ZDHHC18: variants seen among roughly 807,000 people sequenced by gnomAD.
The protein encoded by ZDHHC18 is palmitoyltransferase ZDHHC18.
In ZDHHC18, 23 loss-of-function variants were observed where a neutral mutation model predicts 37.5. That is an observed-to-expected ratio of 0.61 (90% CI 0.44 to 0.87). The LOEUF is 0.87. Ranked by LOEUF, ZDHHC18 falls within the 40% of genes least tolerant of loss-of-function variation. ZDHHC18 has a pLI of 0.00. For synonymous variants in ZDHHC18, 185 were observed against 218.7 expected (o/e 0.85, Z 1.36); for missense variants, 406 against 525.6 (o/e 0.77, Z 2.22).
rs201964536 is a variant in ZDHHC18 at position 26,845,698 on chromosome 1, G to GA, written c.497-2901dup. On this transcript the variant is annotated intron_variant, in intron 2 of 7. Transcript: ENST00000374142. ...ATTCTCTTAATGATTACCTTTAAAT[G>GA]AAAAAAAAATTTAATTTTGATATAA... 1.6e-3 allele frequency among the ~76,000 whole-genome samples: 234 copies of GA among 150,696 alleles called. 1 individual carries two copies. The highest frequency in any genetic ancestry group is 2.4e-3 in the Non-Finnish European group (160 of 67,650).
At chr1:26,841,129 A>G (rs1455467049) in intron 2 of ZDHHC18, among the ~76,000 whole-genome samples, 1 of 152,088 alleles carries the variant, frequency 6.6e-6, no homozygotes, top group African/African-American at 2.4e-5. Context: ...GGTGCACACC[A>G]CCACACCTGG....
At chr1:26,831,388 C>T (rs2081588321) in intron 1 of ZDHHC18, among the ~76,000 whole-genome samples, 1 of 152,164 alleles carries the variant, frequency 6.6e-6, no homozygotes, top group Admixed American at 6.5e-5. Context: ...CATGCCTGGC[C>T]TAGAAGGCCA....
chr1:26,843,635 C>G (rs1373317731), intron 2 of ZDHHC18, among the ~76,000 whole-genome samples: 1 of 151,348 alleles, frequency 6.6e-6, no homozygotes, highest in Non-Finnish European at 1.5e-5. Context: ...CAAAAAAATA[C>G]AAAAATTATC....
chr1:26,827,906 A>T lies in ZDHHC18; in HGVS notation c.335+767A>T, dbSNP rs149251018. Among the ~76,000 whole-genome samples, 389 of 151,922 alleles carry T rather than the reference A, an allele frequency of 2.6e-3. 17 individuals carry two copies. In the East Asian group the frequency reaches 0.066, roughly 26 times the overall value. On this transcript the variant is annotated intron_variant, in intron 1 of 7. Coordinates refer to ENST00000374142, the MANE Select transcript of ZDHHC18 (RefSeq NM_032283.3). ...TCCCAGGCCCCTGGCCCCCCTGCTG[A>T]CCACCTGGCTTTCTTTCCCTGCTCA...
Position 26,848,611 on chromosome 1 carries a change from A to G in ZDHHC18, c.500A>G (p.Asn167Ser), listed in dbSNP as rs370322014. 19 of 1,611,004 alleles carry G rather than the reference A, an allele frequency of 1.2e-5. No homozygotes were observed. In the African/African-American group the frequency reaches 1.3e-4, roughly 11 times the overall value. Residue 167 changes from asparagine (N) to serine (S), a missense_variant, in exon 3 of 8, where the codon AAC (asparagine) becomes AGC (serine). By Grantham distance (46) the Asn-to-Ser change is conservative. Transcript: ENST00000374142. Reference protein sequence around the residue: ...EAAALEKQIDNTGSSTYRPPP... With the variant: ...EAAALEKQIDSTGSSTYRPPP... ...CTTTCTCTCCTCCTTCCCTCAGACA[A>G]CACAGGCAGTTCTACATACCGGCCA... is the stretch of plus-strand genomic sequence containing the variant.
chr1:26,831,747 C>G (rs1167674202), intron 1 of ZDHHC18, among the ~76,000 whole-genome samples: 1 of 152,206 alleles, frequency 6.6e-6, no homozygotes, highest in African/African-American at 2.4e-5. Context: ...TCTGAAAGCA[C>G]TGCCTTGGGG....
intron 1 of ZDHHC18, among the ~76,000 whole-genome samples, chr1:26,828,892 G>A (rs576995284): frequency 3.9e-5 from 6 of 152,198 alleles, no homozygotes; most frequent in South Asian, 2.1e-4. Context: ...GGCTGCAGCC[G>A]AGGCAGGAGG....
intron 2 of ZDHHC18, among the ~76,000 whole-genome samples, chr1:26,842,636 C>A (rs974640970): frequency 6.6e-6 from 1 of 152,222 alleles, no homozygotes; most frequent in Non-Finnish European, 1.5e-5. Flanking sequence ...GCCTCTAAAT[C>A]CCCCACCCTT....
intron 2 of ZDHHC18, among the ~76,000 whole-genome samples, chr1:26,848,349 A>G (rs2081682911): frequency 1.3e-5 from 2 of 150,772 alleles, no homozygotes; most frequent in African/African-American, 2.4e-5. Flanking sequence ...GCTTTCTGGG[A>G]GTCTCCTTCT....
rs1002899469 is a variant in ZDHHC18 at position 26,857,094 on chromosome 1, A to G, written c.*3251A>G. Reference sequence around the variant, plus strand: ...TGCCGGCCAGAGTGTAGAAAGCCATAACGCAGCCATCAGCACAATAATGTG... The same window carrying G: ...TGCCGGCCAGAGTGTAGAAAGCCATGACGCAGCCATCAGCACAATAATGTG... On this transcript the variant is annotated 3_prime_UTR_variant, in exon 8 of 8. Coordinates refer to ENST00000374142, the MANE Select transcript of ZDHHC18 (RefSeq NM_032283.3). The G allele has an allele frequency of 2.0e-5, 3 of 152,424 alleles. No homozygotes were observed. The highest frequency in any genetic ancestry group is 7.2e-5 in the African/African-American group (3 of 41,442). The allele number at this position is 152,424 out of a possible 1,614,324, so 9.4% of individuals were successfully genotyped here.
In ZDHHC18 at chr1:26,839,002, G is replaced by A. The variant is rs113287499; in HGVS notation, c.496+6395G>A. ...GTTTCCTCTGCAGGTGACAACAGTG[G>A]AAGGGCAGAGGGCAGTCAGGGCCTT... On this transcript the variant is annotated intron_variant, in intron 2 of 7. Coordinates refer to ENST00000374142, the MANE Select transcript of ZDHHC18 (RefSeq NM_032283.3). 6.7e-3 allele frequency among the ~76,000 whole-genome samples: 1,022 copies of A among 152,366 alleles called. 8 individuals carry two copies. Among genetic ancestry groups the A allele is most frequent in the Middle Eastern group, 0.027 (8 of 294 alleles).
At chr1:26,847,279 C>T (rs1298983102) in intron 2 of ZDHHC18, among the ~76,000 whole-genome samples, 2 of 152,048 alleles carry the variant, frequency 1.3e-5, no homozygotes, top group Non-Finnish European at 2.9e-5. Flanking sequence ...GATCCTGGCT[C>T]ATGCTCACTG....
intron 1 of ZDHHC18, among the ~76,000 whole-genome samples, chr1:26,830,265 A>T (rs949122884): frequency 2.6e-5 from 4 of 152,220 alleles, no homozygotes; most frequent in African/African-American, 9.7e-5. Context: ...GGTGATGGTT[A>T]AAAGTATGAA....
chr1:26,833,190 A>G (rs1022254486), intron 2 of ZDHHC18, among the ~76,000 whole-genome samples: 1 of 152,248 alleles, frequency 6.6e-6, no homozygotes, highest in African/African-American at 2.4e-5. Context: ...GGAGGAGGAA[A>G]GAGACAATAA....
At position 26,855,509 on chromosome 1, in the gene ZDHHC18, G is replaced by A; in HGVS notation, c.*1666G>A. ...CAGATCTTGCCCTTCTCACTCCAGA[G>A]GCTAGTGGTCACAGACAGCTGGGAA... On this transcript the variant is annotated 3_prime_UTR_variant, in exon 8 of 8. Coordinates refer to ENST00000374142, the MANE Select transcript of ZDHHC18 (RefSeq NM_032283.3). 1 of 152,854 alleles carries A rather than the reference G, an allele frequency of 6.5e-6. No individual in the cohort carries two copies. 9.5% of individuals were successfully genotyped at this position (152,854 alleles called of 1,614,324 possible). A position where few individuals can be genotyped will look rare whatever the true frequency, so the allele number is the denominator to read the frequency against.
Position 26,856,410 on chromosome 1 carries a change from A to G in ZDHHC18, c.*2567A>G. 3.4e-6 allele frequency: 1 copy of G among 291,592 alleles called. No homozygotes were observed. The highest frequency in any genetic ancestry group is 7.6e-6 in the Non-Finnish European group (1 of 131,734). 18.1% of individuals were successfully genotyped at this position (291,592 alleles called of 1,614,324 possible). ...GTGTGCTGGTGGTGGTAGGGTCTCC[A>G]GGGACTCCCCGCTAAGCAGAAGGAT... On this transcript the variant is annotated 3_prime_UTR_variant, in exon 8 of 8. Transcript: ENST00000374142. This position sits in a 1 kb window ranked among gnomAD's most constrained non-coding sequence, Gnocchi z 5.2.
chr1:26,835,347 A>G (rs1427617136), intron 2 of ZDHHC18, among the ~76,000 whole-genome samples: 2 of 152,324 alleles, frequency 1.3e-5, no homozygotes, highest in East Asian at 3.9e-4. Flanking sequence ...TTGAATTCTC[A>G]AACTTGAATA....
At chr1:26,830,957 G>A (rs557294859) in intron 1 of ZDHHC18, among the ~76,000 whole-genome samples, 59 of 152,154 alleles carry the variant, frequency 3.9e-4, no homozygotes, top group African/African-American at 1.3e-3. Context: ...TAATTTTTCT[G>A]TTTTTATTAG....
chr1:26,840,129 C>T (rs2081630769), intron 2 of ZDHHC18, among the ~76,000 whole-genome samples: 1 of 152,188 alleles, frequency 6.6e-6, no homozygotes, highest in Admixed American at 6.5e-5. Flanking sequence ...AGTTCCCTCC[C>T]TGTCCTGGGG....
Sources: allele counts gnomAD v4.1 joint callset (sites outside exome capture counted in the v4.1 genomes callset), GRCh38; gene constraint gnomAD v4.1.1; non-coding constraint Gnocchi (gnomAD v3.1); transcripts MANE v1.5; gene names NCBI Gene and HGNC (gene_info 2026-07-23, HGNC 2026-07-21).